PCDHGA2: variants seen among roughly 807,000 people sequenced by gnomAD.
PCDHGA2 encodes the protein protocadherin gamma-A2.
In PCDHGA2, 40 loss-of-function variants were observed where a neutral mutation model predicts 59.2. The ratio of observed to expected loss-of-function variants is 0.68; its 90% CI spans 0.52 to 0.88. The LOEUF is 0.88. Ranked by LOEUF, PCDHGA2 falls within the 40% of genes least tolerant of loss-of-function variation. The pLI, the probability that PCDHGA2 is intolerant of heterozygous loss-of-function variation, is 0.00. For synonymous variants in PCDHGA2, 560 were observed against 526.0 expected, an observed-to-expected ratio of 1.06 and a Z score of -0.89; for missense variants, 1,226 against 1,204.0, an observed-to-expected ratio of 1.02 and a Z score of -0.27.
chr5:141,340,457 G>A lies in PCDHGA2; in HGVS notation c.1486G>A (p.Val496Ile). 1 of 1,614,196 alleles carries A rather than the reference G, an allele frequency of 6.2e-7. No homozygotes were observed. The highest frequency in any genetic ancestry group is 8.5e-7 in the Non-Finnish European group (1 of 1,180,044). Reference protein sequence around the residue: ...HVTYSFAEDTVQGAPLSSYIS... With the variant: ...HVTYSFAEDTIQGAPLSSYIS... ...AACTTACTCTTTCGCGGAGGACACT[G>A]TTCAGGGGGCACCCTTATCCTCTTA... is the stretch of plus-strand genomic sequence containing the variant. The change falls in exon 1 of 4, where the codon GTT (valine) becomes ATT (isoleucine). Residue 496 changes from valine (V) to isoleucine (I), a missense_variant. Val to Ile is a conservative substitution (Grantham distance 29). Transcript: ENST00000394576.
At chr5:141,372,610 T>A in intron 1 of PCDHGA2, 3 of 1,613,984 alleles carry the variant, frequency 1.9e-6, no homozygotes, top group Non-Finnish European at 2.5e-6. Flanking sequence ...GTACCTGGAG[T>A]TCTCCCCACC....
chr5:141,378,013 A>G (rs2150121328), intron 1 of PCDHGA2: 1 of 152,212 alleles, frequency 6.6e-6, no homozygotes, highest in East Asian at 1.9e-4. Context: ...AATAAGCTCT[A>G]CTTATATTAT....
intron 1 of PCDHGA2, among the ~76,000 whole-genome samples, chr5:141,359,306 G>A (rs1761168540): frequency 6.6e-6 from 1 of 152,084 alleles, no homozygotes; most frequent in African/African-American, 2.4e-5. Context: ...AGCATATTCA[G>A]GTGTTGGCAT....
intron 1 of PCDHGA2, among the ~76,000 whole-genome samples, chr5:141,459,101 C>A (rs1021289352): frequency 6.6e-6 from 1 of 152,192 alleles, no homozygotes; most frequent in Non-Finnish European, 1.5e-5. Context: ...CAGTGCAATG[C>A]ATTTTGACAA....
intron 1 of PCDHGA2, chr5:141,366,727 A>C: frequency 6.2e-7 from 1 of 1,613,036 alleles, no homozygotes; most frequent in Non-Finnish European, 8.5e-7. Context: ...AGGTAGATGC[A>C]AACAAAGAAG....
chr5:141,507,075 C>T (rs1006779614), intron 3 of PCDHGA2: 25 of 152,176 alleles, frequency 1.6e-4, no homozygotes, highest in Admixed American at 1.1e-3. Context: ...CCTGGCTCAA[C>T]TCCTAAGTTT....
Position 141,490,800 on chromosome 5 carries a change from TACCTTTG to T in PCDHGA2, c.2425-4004_2425-3998del, listed in dbSNP as rs763340907. Reference sequence around the variant, plus strand: ...AGGATGGACGGATCTTTGCCCAGCGTACCTTTGACTATGAATTGCTGCAGATGCTGCA... The same window carrying T: ...AGGATGGACGGATCTTTGCCCAGCGTACTATGAATTGCTGCAGATGCTGCA... On this transcript the variant is annotated intron_variant, in intron 1 of 3. Transcript: ENST00000394576. The surrounding 1 kb of genome is among the most constrained non-coding windows in gnomAD (Gnocchi z 5.4). 2.5e-6 allele frequency: 4 copies of T among 1,613,968 alleles called. No homozygotes were observed. The highest frequency in any genetic ancestry group is 1.7e-6 in the Non-Finnish European group (2 of 1,179,894).
chr5:141,485,116 G>T lies in PCDHGA2; in HGVS notation c.2425-9691G>T, dbSNP rs904145668. ...TGTCTCCAGCTGCTGTGGCTGTTTGGGGCGGGTCGGCTTCATCCGCGTCTC... is the reference window on the plus strand; with the variant it reads ...TGTCTCCAGCTGCTGTGGCTGTTTGTGGCGGGTCGGCTTCATCCGCGTCTC... On this transcript the variant is annotated intron_variant, in intron 1 of 3. Coordinates refer to ENST00000394576, the MANE Select transcript of PCDHGA2 (RefSeq NM_018915.4). This position sits in a 1 kb window ranked among gnomAD's most constrained non-coding sequence, Gnocchi z 5.7. 3.0e-6 allele frequency: 4 copies of T among 1,312,058 alleles called. No homozygotes were observed. The African/African-American group carries it at 5.8e-5, about 19-fold the overall frequency. 81.3% of individuals were successfully genotyped at this position (1,312,058 alleles called of 1,614,324 possible).
At chr5:141,507,931 G>A (rs1442781255) in intron 3 of PCDHGA2, 1 of 152,326 alleles carries the variant, frequency 6.6e-6, no homozygotes, top group African/African-American at 2.4e-5. Context: ...CTGCTGAGAG[G>A]GGTTAAGTAA....
intron 1 of PCDHGA2, chr5:141,345,972 C>G (rs753949657): frequency 6.2e-7 from 1 of 1,613,558 alleles, no homozygotes; most frequent in East Asian, 2.2e-5. Context: ...GGTGGCCGTC[C>G]AGGACCACGG....
chr5:141,374,289 G>A, intron 1 of PCDHGA2: 1 of 1,614,016 alleles, frequency 6.2e-7, no homozygotes. Context: ...ATCGTCTCCA[G>A]AGGTAGGATG....
At chr5:141,374,087 G>C (rs1358918796) in intron 1 of PCDHGA2, 3 of 1,529,296 alleles carry the variant, frequency 2.0e-6, no homozygotes, top group Non-Finnish European at 2.6e-6. Context: ...GCCAGTAATG[G>C]CGCCTCCGCA....
chr5:141,426,094 G>C (rs2096914562), intron 1 of PCDHGA2, among the ~76,000 whole-genome samples: 1 of 152,350 alleles, frequency 6.6e-6, no homozygotes, highest in African/African-American at 2.4e-5. Flanking sequence ...ACGATATTCT[G>C]TTCAGTCACA....
At chr5:141,494,724 T>C in intron 1 of PCDHGA2, 83 bp from the exon 2 acceptor site, 1 of 1,606,108 alleles carries the variant, frequency 6.2e-7, no homozygotes, top group South Asian at 1.1e-5. Flanking sequence ...CCCCTCCTTC[T>C]CTCCCGGCCC....
At position 141,485,614 on chromosome 5, in the gene PCDHGA2, T is replaced by G; in HGVS notation, c.2425-9193T>G. 1 of 1,612,236 alleles carries G rather than the reference T, an allele frequency of 6.2e-7. No individual in the cohort carries two copies. Among genetic ancestry groups the G allele is most frequent in the Non-Finnish European group, 8.5e-7 (1 of 1,178,686 alleles). On this transcript the variant is annotated intron_variant, in intron 1 of 3. Transcript: ENST00000394576. The surrounding 1 kb of genome is among the most constrained non-coding windows in gnomAD (Gnocchi z 5.7). ...ACTTGGAAATTGGGGAGGCAGCTCC[T>G]CCAGGACAGCGTTTCCCGTTGGAAA...
At chr5:141,353,403 T>A (rs1413165994) in intron 1 of PCDHGA2, among the ~76,000 whole-genome samples, 1 of 152,242 alleles carries the variant, frequency 6.6e-6, no homozygotes, top group Non-Finnish European at 1.5e-5. Context: ...ATTAATGTAA[T>A]CTTCATCAAT....
chr5:141,466,147 G>A (rs2099117729), intron 1 of PCDHGA2, among the ~76,000 whole-genome samples: 1 of 151,722 alleles, frequency 6.6e-6, no homozygotes, highest in South Asian at 2.1e-4. Flanking sequence ...TGAAAACTCT[G>A]GTCTTAAACT....
intron 1 of PCDHGA2, chr5:141,420,276 T>C: frequency 6.6e-7 from 1 of 1,523,250 alleles, no homozygotes; most frequent in Non-Finnish European, 8.9e-7. Context: ...CTTAAACAGG[T>C]AAGTATTTAA....
At chr5:141,428,290 C>G in intron 1 of PCDHGA2, 2 of 726,802 alleles carry the variant, frequency 2.8e-6, no homozygotes, top group Non-Finnish European at 4.8e-6. Context: ...CCAAGCAAAG[C>G]TGCAGATTTA....
Sources: allele counts gnomAD v4.1 joint callset (sites outside exome capture counted in the v4.1 genomes callset), GRCh38; gene constraint gnomAD v4.1.1; non-coding constraint Gnocchi (gnomAD v3.1); transcripts MANE v1.5; gene names NCBI Gene and HGNC (gene_info 2026-07-23, HGNC 2026-07-21).